NDST3: variants seen among roughly 807,000 people sequenced by gnomAD.
NDST3 encodes bifunctional heparan sulfate N-deacetylase/N-sulfotransferase 3.
In NDST3, 58 loss-of-function variants were observed where a neutral mutation model predicts 96.1. That is an observed-to-expected ratio of 0.60 (90% CI 0.49 to 0.75). The LOEUF (loss-of-function observed/expected upper bound fraction) is 0.75. Ranked by LOEUF, NDST3 falls within the 30% of genes least tolerant of loss-of-function variation. The pLI is 0.00. For synonymous variants in NDST3, 333 were observed against 359.7 expected, an observed-to-expected ratio of 0.93 and a Z score of 0.84; for missense variants, 788 against 1,034.2, an observed-to-expected ratio of 0.76 and a Z score of 3.27.
chr4:118,135,848 C>A (rs1733040467), intron 4 of NDST3, among the ~76,000 whole-genome samples: 1 of 151,966 alleles, frequency 6.6e-6, no homozygotes, highest in Non-Finnish European at 1.5e-5. Flanking sequence ...CACTGTACAC[C>A]AGCCTGGGAA....
At chr4:118,103,738 T>C (rs1729947754) in intron 2 of NDST3, among the ~76,000 whole-genome samples, 1 of 152,098 alleles carries the variant, frequency 6.6e-6, no homozygotes, top group African/African-American at 2.4e-5. Context: ...GGTGTAGAGA[T>C]CCACCAACAG....
intron 6 of NDST3, among the ~76,000 whole-genome samples, chr4:118,156,547 T>C (rs534044397): frequency 3.3e-5 from 5 of 152,328 alleles, no homozygotes; most frequent in Admixed American, 2.0e-4. Flanking sequence ...CATGACTACA[T>C]ACATACTATC....
chr4:118,153,914 T>G (rs534394984), intron 6 of NDST3, among the ~76,000 whole-genome samples: 1 of 151,938 alleles, frequency 6.6e-6, no homozygotes, highest in Admixed American at 6.6e-5. Flanking sequence ...GAGATATGAG[T>G]ATGGAAATAA....
intron 4 of NDST3, among the ~76,000 whole-genome samples, chr4:118,127,722 G>C (rs1229944340): frequency 6.6e-6 from 1 of 151,836 alleles, no homozygotes; most frequent in Non-Finnish European, 1.5e-5. Context: ...TGTATATTTT[G>C]TGAAAAATAT....
intron 4 of NDST3, among the ~76,000 whole-genome samples, chr4:118,115,403 G>A (rs943615816): frequency 6.6e-6 from 1 of 152,144 alleles, no homozygotes; most frequent in Non-Finnish European, 1.5e-5. Context: ...GATTCTTCTG[G>A]AAATAAGATT....
intron 2 of NDST3, among the ~76,000 whole-genome samples, chr4:118,096,696 T>C (rs1419892032): frequency 2.0e-5 from 3 of 151,548 alleles, no homozygotes; most frequent in African/African-American, 4.8e-5. Context: ...GATAGATAGA[T>C]AGATAGATAG....
chr4:118,224,620 C>T lies in NDST3; in HGVS notation c.1669C>T (p.Leu557=), dbSNP rs754940167. ...LRLQTLPPVQ[L]AHKYFELFPD... is the part of the protein sequence containing the mutation. ...ACTTCAGACTCTGCCTCCAGTACAA[C>T]TGGCCCACAAGTATTTTGAGCTGTT... is the stretch of plus-strand genomic sequence containing the variant. The change falls in exon 7 of 14, where the codon CTG becomes TTG. Residue 557 remains leucine (L), a synonymous_variant. Coordinates refer to ENST00000296499, the MANE Select transcript of NDST3 (RefSeq NM_004784.3). 10 of 1,611,410 alleles carry T rather than the reference C, an allele frequency of 6.2e-6. No homozygotes were observed. Among genetic ancestry groups the T allele is most frequent in the African/African-American group, 5.3e-5 (4 of 74,874 alleles).
chr4:118,064,024 A>C (rs1352618664), intron 2 of NDST3, among the ~76,000 whole-genome samples: 2 of 152,190 alleles, frequency 1.3e-5, no homozygotes, highest in African/African-American at 2.4e-5. Flanking sequence ...ATTTACCGAT[A>C]AGTCTGGAAC....
At chr4:118,240,774 A>G (rs1740958531) in intron 11 of NDST3, 80 bp downstream of exon 11, 4 of 1,341,304 alleles carry the variant, frequency 3.0e-6, no homozygotes, top group East Asian at 2.4e-5. Flanking sequence ...AAAATTTTCA[A>G]TTGTTAAACT....
chr4:118,133,041 C>T (rs1005992982), intron 4 of NDST3, among the ~76,000 whole-genome samples: 2 of 152,094 alleles, frequency 1.3e-5, no homozygotes, highest in East Asian at 1.9e-4. Flanking sequence ...GGAGGAGTGG[C>T]GCAAGCAATC....
At chr4:118,238,151 A>C (rs1312011489) in intron 10 of NDST3, among the ~76,000 whole-genome samples, 1 of 68,664 alleles carries the variant, frequency 1.5e-5, no homozygotes, top group African/African-American at 3.8e-5. Context: ...GAGAGAAAAG[A>C]AAGAAAAGAA....
intron 4 of NDST3, among the ~76,000 whole-genome samples, chr4:118,118,186 T>C (rs1008035231): frequency 7.2e-5 from 11 of 152,222 alleles, no homozygotes; most frequent in African/African-American, 2.4e-4. Context: ...CATTTCTAAA[T>C]TGGATTATAT....
chr4:118,234,961 C>T (rs762419281), intron 9 of NDST3, among the ~76,000 whole-genome samples: 4 of 150,024 alleles, frequency 2.7e-5, no homozygotes, highest in Non-Finnish European at 4.4e-5. Flanking sequence ...ACCTGGGAGG[C>T]AGAGGTTGCA....
At position 118,054,789 on chromosome 4, in the gene NDST3, A is replaced by G; in HGVS notation, c.879A>G (p.Ser293=). 6.2e-7 allele frequency: 1 copy of G among 1,613,312 alleles called. No homozygotes were observed. The highest frequency in any genetic ancestry group is 8.5e-7 in the Non-Finnish European group (1 of 1,179,432). Residue 293 remains serine, a synonymous_variant, in exon 2 of 14, where the codon TCA becomes TCG. Transcript: ENST00000296499. ...TCATAGATGCCATCTCCTTCTTATCAGGGAAGAGGCTGACATTGTCCTTGG... is the reference window on the plus strand; with the variant it reads ...TCATAGATGCCATCTCCTTCTTATCGGGGAAGAGGCTGACATTGTCCTTGG... ...LIFIDAISFL[S]GKRLTLSLDR...
At chr4:118,195,181 A>G in intron 6 of NDST3, among the ~76,000 whole-genome samples, 1 of 151,992 alleles carries the variant, frequency 6.6e-6, no homozygotes, top group Non-Finnish European at 1.5e-5. Context: ...AATCTCTTTT[A>G]TCAGTGTTTT....
At chr4:118,194,725 A>G (rs1523745) in intron 6 of NDST3, 94,149 of 523,262 alleles carry the variant, frequency 0.18, 9,116 homozygotes, top group South Asian at 0.24. Context: ...TCCCATTCTC[A>G]GTCTCCTTCA....
intron 12 of NDST3, among the ~76,000 whole-genome samples, chr4:118,250,776 A>G (rs1490839612): frequency 6.6e-6 from 1 of 151,820 alleles, no homozygotes; most frequent in Non-Finnish European, 1.5e-5. Context: ...CAGCCATTGC[A>G]CCCAGCCTGT....
At chr4:118,097,815 A>G (rs1379146225) in intron 2 of NDST3, among the ~76,000 whole-genome samples, 1 of 151,878 alleles carries the variant, frequency 6.6e-6, no homozygotes, top group African/African-American at 2.4e-5. Context: ...TCAAATCTTT[A>G]TGAGTTTATT....
intron 4 of NDST3, among the ~76,000 whole-genome samples, chr4:118,137,251 T>A (rs947100524): frequency 1.3e-5 from 2 of 152,122 alleles, no homozygotes; most frequent in African/African-American, 4.8e-5. Context: ...AAAAAATAAC[T>A]TTGGAGAAAA....
Sources: allele counts gnomAD v4.1 joint callset (sites outside exome capture counted in the v4.1 genomes callset), GRCh38; gene constraint gnomAD v4.1.1; transcripts MANE v1.5; gene names NCBI Gene and HGNC (gene_info 2026-07-23, HGNC 2026-07-21).